PDSS2: variants seen among roughly 807,000 people sequenced by gnomAD.
PDSS2 encodes the protein all trans-polyprenyl-diphosphate synthase PDSS2.
In PDSS2, 31 loss-of-function variants were observed where a neutral mutation model predicts 44.5. The observed-to-expected ratio is 0.70, with a 90% CI of 0.52 to 0.94. PDSS2 has a LOEUF of 0.94. Ranked by LOEUF, PDSS2 falls within the 40% of genes least tolerant of loss-of-function variation. The pLI, the probability that PDSS2 is intolerant of heterozygous loss-of-function variation, is 0.00. For synonymous variants in PDSS2, 157 were observed against 180.3 expected, an observed-to-expected ratio of 0.87 and a Z score of 1.03; for missense variants, 452 against 482.2, an observed-to-expected ratio of 0.94 and a Z score of 0.59.
Position 107,154,632 on chromosome 6 carries a change from G to C in PDSS2, c.1187C>G (p.Thr396Ser). The change falls in exon 8 of 8, where the codon ACC becomes AGC. Residue 396 changes from threonine (T) to serine (S), a missense_variant. By Grantham distance (58) the Thr-to-Ser change is moderately conservative. Coordinates refer to ENST00000369037, the MANE Select transcript of PDSS2 (RefSeq NM_020381.4). ...TTTAATTTGATGTCATGAAAATCTG[G>C]TCACAGCAAACACAATGTTTTCTAA... is the stretch of plus-strand genomic sequence containing the variant. ...SALENIVFAV[T>S]RFS is the part of the protein sequence containing the mutation. 1 of 1,614,112 alleles carries C rather than the reference G, an allele frequency of 6.2e-7. No homozygotes were observed. The highest frequency in any genetic ancestry group is 8.5e-7 in the Non-Finnish European group (1 of 1,180,008).
At chr6:107,336,881 T>TGTGTGTGTGTG (rs1777917293) in intron 1 of PDSS2, among the ~76,000 whole-genome samples, 1 of 79,872 alleles carries the variant, frequency 1.3e-5, no homozygotes, top group African/African-American at 4.5e-5. Flanking sequence ...TGTGTGTGTG[T>TGTGTGTGTGTG]TCGGGGCTGG....
intron 2 of PDSS2, among the ~76,000 whole-genome samples, chr6:107,313,509 C>T (rs950890804): frequency 3.9e-5 from 6 of 152,006 alleles, no homozygotes; most frequent in African/African-American, 1.5e-4. Context: ...TGAGCCACCA[C>T]ACCCAGCTAA....
intron 3 of PDSS2, among the ~76,000 whole-genome samples, chr6:107,248,869 T>C (rs1284840423): frequency 1.3e-5 from 2 of 152,236 alleles, no homozygotes; most frequent in Non-Finnish European, 2.9e-5. Flanking sequence ...TGAATTCTAC[T>C]GGCTAATTTC....
In PDSS2 at chr6:107,429,893, AAAAAAAAAATATATAT is replaced by A. The variant is rs1357460903; in HGVS notation, c.296+29081_296+29096del. 1.0e-3 allele frequency among the ~76,000 whole-genome samples: 42 copies of A among 42,022 alleles called. 7 individuals are homozygous for A. The East Asian group carries it at 0.046, about 46-fold the overall frequency. The allele number at this position is 42,022 out of a possible 152,430, so 27.6% of individuals were successfully genotyped here. A position where few individuals can be genotyped will look rare whatever the true frequency, so the allele number is the denominator to read the frequency against. ...GAGCAAAACTTAGTCTCAAAAAAAA[AAAAAAAAAATATATAT>A]ATATATATATATATATATATATATA... On this transcript the variant is annotated intron_variant, in intron 1 of 7. Coordinates refer to ENST00000369037, the MANE Select transcript of PDSS2 (RefSeq NM_020381.4).
intron 1 of PDSS2, among the ~76,000 whole-genome samples, chr6:107,437,523 T>A (rs1035251415): frequency 3.4e-5 from 1 of 29,700 alleles, no homozygotes; most frequent in African/African-American, 1.8e-4. Flanking sequence ...AGACCCTGTC[T>A]CCAAAAAAAA....
chr6:107,218,347 CCTCT>C (rs1773486604), intron 4 of PDSS2, among the ~76,000 whole-genome samples: 1 of 152,158 alleles, frequency 6.6e-6, no homozygotes, highest in Non-Finnish European at 1.5e-5. Context: ...TGCCTCTTGG[CCTCT>C]AGGAGGCCTC....
At chr6:107,241,689 A>T (rs1289544231) in intron 4 of PDSS2, among the ~76,000 whole-genome samples, 3 of 152,136 alleles carry the variant, frequency 2.0e-5, no homozygotes, top group Non-Finnish European at 4.4e-5. Context: ...TAATGTATCC[A>T]GTTCCAATTC....
chr6:107,275,022 G>T (rs552115439), intron 2 of PDSS2, among the ~76,000 whole-genome samples: 10 of 152,214 alleles, frequency 6.6e-5, no homozygotes, highest in Non-Finnish European at 1.2e-4. Flanking sequence ...TTACAGAGAT[G>T]AATACAATAT....
At chr6:107,380,748 G>A (rs555994975) in intron 1 of PDSS2, among the ~76,000 whole-genome samples, 3 of 152,138 alleles carry the variant, frequency 2.0e-5, no homozygotes, top group South Asian at 2.1e-4. Context: ...TCAGAGCAGC[G>A]GTTTCCCCTG....
chr6:107,347,256 C>CTTTTTTTTTTTTTTTTT (rs35184119), intron 1 of PDSS2, among the ~76,000 whole-genome samples: 1 of 90,000 alleles, frequency 1.1e-5, no homozygotes, highest in African/African-American at 4.3e-5. Context: ...ATTATATCTT[C>CTTTTTTTTTTTTTTTTT]TTTTTTTTTT....
intron 1 of PDSS2, among the ~76,000 whole-genome samples, chr6:107,436,884 A>C (rs1356248952): frequency 6.6e-6 from 1 of 152,244 alleles, no homozygotes; most frequent in Admixed American, 6.5e-5. Flanking sequence ...GTACAAATTG[A>C]AAACAAAATT....
intron 1 of PDSS2, among the ~76,000 whole-genome samples, chr6:107,354,367 A>C (rs1487192844): frequency 1.3e-5 from 2 of 152,254 alleles, no homozygotes; most frequent in African/African-American, 4.8e-5. Flanking sequence ...AAACAGGAAG[A>C]GTTTCTTTAC....
intron 7 of PDSS2, among the ~76,000 whole-genome samples, chr6:107,171,537 C>T (rs1378720043): frequency 2.6e-5 from 4 of 151,224 alleles, no homozygotes; most frequent in African/African-American, 7.3e-5. Context: ...TTTGAGACAG[C>T]GTCTCACTCC....
Position 107,256,798 on chromosome 6 carries a change from T to C in PDSS2, c.631-11179A>G, listed in dbSNP as rs185625382. Among the ~76,000 whole-genome samples the C allele has an allele frequency of 3.9e-4, 59 of 151,874 alleles. No homozygotes were observed. The East Asian group carries it at 6.2e-3, about 16-fold the overall frequency. On this transcript the variant is annotated intron_variant, in intron 3 of 7. Transcript: ENST00000369037. ...AATTCCAGCACTTGGGAGGCTGAGG[T>C]AGGAGAAGCCTCTGAGCCCAAGAGT...
chr6:107,452,353 C>A (rs1319149761), intron 1 of PDSS2, among the ~76,000 whole-genome samples: 3 of 151,976 alleles, frequency 2.0e-5, no homozygotes, highest in Non-Finnish European at 2.9e-5. Flanking sequence ...CTGCCTAAGC[C>A]TCTGGTGTAG....
At chr6:107,171,405 C>G (rs1249568177) in intron 7 of PDSS2, among the ~76,000 whole-genome samples, 2 of 152,108 alleles carry the variant, frequency 1.3e-5, no homozygotes, top group Non-Finnish European at 2.9e-5. Context: ...TCAAATGATC[C>G]TCCTGCCTCA....
chr6:107,171,911 T>C (rs1364001397), intron 7 of PDSS2, among the ~76,000 whole-genome samples: 3 of 152,194 alleles, frequency 2.0e-5, no homozygotes, highest in Admixed American at 6.5e-5. Context: ...TTTCCAAATC[T>C]TCAAGCCCTT....
intron 1 of PDSS2, among the ~76,000 whole-genome samples, chr6:107,437,081 C>T (rs1781371909): frequency 6.6e-6 from 1 of 151,936 alleles, no homozygotes; most frequent in Non-Finnish European, 1.5e-5. Context: ...CTCACTGCAC[C>T]CTTCAACTCC....
At chr6:107,199,122 G>A (rs1346666241) in intron 6 of PDSS2, among the ~76,000 whole-genome samples, 1 of 152,148 alleles carries the variant, frequency 6.6e-6, no homozygotes, top group South Asian at 2.1e-4. Context: ...TGGGAGAAGC[G>A]ATAGTTTCTA....
Sources: allele counts gnomAD v4.1 joint callset (sites outside exome capture counted in the v4.1 genomes callset), GRCh38; gene constraint gnomAD v4.1.1; transcripts MANE v1.5; gene names NCBI Gene and HGNC (gene_info 2026-07-23, HGNC 2026-07-21).